Variants in CNTN6 observed in about 807,000 individuals in gnomAD.
CNTN6 encodes contactin 6, also known as contactin-6.
A neutral mutation model predicts 122.8 loss-of-function variants in CNTN6; 137 were observed. That is an observed-to-expected ratio of 1.12 (90% CI 0.97 to 1.29). CNTN6 has a LOEUF of 1.29. Ranked by LOEUF, CNTN6 falls within the 50% of genes most tolerant of loss-of-function variation. The pLI is 0.00. For missense variants in CNTN6, 1,634 were observed against 1,223.4 expected (o/e 1.34, Z -5.01); for synonymous variants, 570 against 426.0 (o/e 1.34, Z -4.16).
chr3:1,288,586 C>G (rs554009055), intron 5 of CNTN6, among the ~76,000 whole-genome samples: 1 of 152,120 alleles, frequency 6.6e-6, no homozygotes, highest in Non-Finnish European at 1.5e-5. Context: ...ACTTCAAGTT[C>G]TTTATTCTAC....
At chr3:1,148,953 A>G (rs562569200) in intron 2 of CNTN6, among the ~76,000 whole-genome samples, 18 of 152,206 alleles carry the variant, frequency 1.2e-4, no homozygotes, top group African/African-American at 4.3e-4. Flanking sequence ...CAAAAGACAG[A>G]AGAATGCAGC....
chr3:1,327,005 C>T (rs1262000093), intron 9 of CNTN6, among the ~76,000 whole-genome samples: 7 of 152,018 alleles, frequency 4.6e-5, no homozygotes, highest in African/African-American at 1.7e-4. Flanking sequence ...GATTTAGCTA[C>T]TCCAACTCAA....
At chr3:1,333,888 A>T (rs1702674968) in intron 11 of CNTN6, among the ~76,000 whole-genome samples, 1 of 152,104 alleles carries the variant, frequency 6.6e-6, no homozygotes, top group African/African-American at 2.4e-5. Flanking sequence ...CTCTCTATGG[A>T]TAATGGAGTA....
intron 1 of CNTN6, among the ~76,000 whole-genome samples, chr3:1,096,606 G>A (rs1019131063): frequency 6.6e-6 from 1 of 152,150 alleles, no homozygotes; most frequent in Non-Finnish European, 1.5e-5. Flanking sequence ...GAATAGTATA[G>A]CTTGCAATAA....
intron 22 of CNTN6, among the ~76,000 whole-genome samples, 192 bp from the exon 23 acceptor site, chr3:1,403,126 C>A (rs1576129552): frequency 1.3e-5 from 2 of 152,176 alleles, no homozygotes; most frequent in Non-Finnish European, 2.9e-5. Context: ...CATTTTTATA[C>A]TTAAATCAGA....
At chr3:1,280,020 A>G (rs759527456) in intron 5 of CNTN6, among the ~76,000 whole-genome samples, 11 of 152,200 alleles carry the variant, frequency 7.2e-5, no homozygotes, top group Non-Finnish European at 1.0e-4. Flanking sequence ...TTAACGGTAT[A>G]GAAGATTATT....
rs533781062 is a variant in CNTN6, at chr3:1,122,088, T to C, written c.-82-25839T>C. ...CATGAAGATTAAATGAATTATTTTTTTGCAAATCAATTACAGCAGTAAAAT... is the reference window on the plus strand; with the variant it reads ...CATGAAGATTAAATGAATTATTTTTCTGCAAATCAATTACAGCAGTAAAAT... On this transcript the variant is annotated intron_variant, in intron 1 of 22. Coordinates refer to ENST00000446702, the MANE Select transcript of CNTN6 (RefSeq NM_001289080.2). Among the ~76,000 whole-genome samples the C allele has an allele frequency of 3.9e-5, 6 of 152,092 alleles. No individual in the cohort carries two copies. The South Asian group carries it at 1.0e-3, about 26-fold the overall frequency.
intron 4 of CNTN6, among the ~76,000 whole-genome samples, chr3:1,274,052 T>C (rs973748477): frequency 1.3e-5 from 2 of 152,194 alleles, no homozygotes; most frequent in African/African-American, 4.8e-5. Flanking sequence ...ACCATTACAA[T>C]ATAGTCACAA....
chr3:1,302,820 A>G (rs945426836), intron 7 of CNTN6, among the ~76,000 whole-genome samples: 2 of 152,108 alleles, frequency 1.3e-5, no homozygotes, highest in African/African-American at 2.4e-5. Context: ...TTTGAAAACT[A>G]TTCAGGCATG....
At chr3:1,388,064 C>T (rs915779204) in intron 20 of CNTN6, among the ~76,000 whole-genome samples, 9 of 152,276 alleles carry the variant, frequency 5.9e-5, no homozygotes, top group South Asian at 2.1e-4. Flanking sequence ...CCCACCACAG[C>T]TCAAGGAGGC....
At chr3:1,314,395 TAAG>T (rs1265766731) in intron 7 of CNTN6, among the ~76,000 whole-genome samples, 1 of 152,100 alleles carries the variant, frequency 6.6e-6, no homozygotes, top group Admixed American at 6.6e-5. Context: ...ACAAGCATCT[TAAG>T]AAACTCATTC....
At chr3:1,280,756 C>T (rs571105921) in intron 5 of CNTN6, among the ~76,000 whole-genome samples, 1 of 152,078 alleles carries the variant, frequency 6.6e-6, no homozygotes, top group South Asian at 2.1e-4. Flanking sequence ...TGAGTCACCG[C>T]ACCTGGTCCG....
At chr3:1,240,267 A>G (rs1190831091) in intron 4 of CNTN6, among the ~76,000 whole-genome samples, 1 of 152,242 alleles carries the variant, frequency 6.6e-6, no homozygotes, top group African/African-American at 2.4e-5. Context: ...TTCACAATCT[A>G]TTTATCCAAC....
intron 2 of CNTN6, among the ~76,000 whole-genome samples, chr3:1,159,771 T>C (rs1174930630): frequency 1.3e-5 from 2 of 152,076 alleles, no homozygotes; most frequent in Non-Finnish European, 2.9e-5. Context: ...CAATCCCACT[T>C]AGAAATTTAG....
chr3:1,194,302 T>C (rs1036710612), intron 2 of CNTN6, among the ~76,000 whole-genome samples: 4 of 152,106 alleles, frequency 2.6e-5, no homozygotes, highest in African/African-American at 9.7e-5. Context: ...GAAATGGAAG[T>C]ACCTGTACAG....
chr3:1,113,398 G>A (rs1478683822), intron 1 of CNTN6, among the ~76,000 whole-genome samples: 1 of 152,098 alleles, frequency 6.6e-6, no homozygotes, highest in Non-Finnish European at 1.5e-5. Context: ...TCAGTTTATG[G>A]ACTAATTATT....
At chr3:1,184,942 T>C (rs796611665) in intron 2 of CNTN6, among the ~76,000 whole-genome samples, 11 of 152,282 alleles carry the variant, frequency 7.2e-5, no homozygotes, top group African/African-American at 2.4e-4. Flanking sequence ...TGGCTGTGTT[T>C]ACAGCATTAG....
intron 5 of CNTN6, among the ~76,000 whole-genome samples, chr3:1,294,593 C>T (rs950780232): frequency 6.6e-6 from 1 of 152,066 alleles, no homozygotes; most frequent in Admixed American, 6.6e-5. Context: ...TATACAGTTA[C>T]CCACAAGATT....
Position 1,245,226 on chromosome 3 carries a change from AT to A in CNTN6, c.358+17234del, listed in dbSNP as rs1347855718. Among the ~76,000 whole-genome samples, 135 of 15,588 alleles carry A rather than the reference AT, an allele frequency of 8.7e-3. 6 individuals are homozygous for A. The highest frequency in any genetic ancestry group is 0.012 in the Non-Finnish European group (106 of 8,738). 10.2% of individuals were successfully genotyped at this position (15,588 alleles called of 152,430 possible). On this transcript the variant is annotated intron_variant, in intron 4 of 22. Transcript: ENST00000446702. ...TATATATATATATATATATATATATATATATATATACACACACACATATATA... is the reference window on the plus strand; with the variant it reads ...TATATATATATATATATATATATATAATATATATACACACACACATATATA...
Sources: gnomAD v4.1 joint callset for allele counts (sites outside exome capture counted in the v4.1 genomes callset) on GRCh38, gnomAD v4.1.1 for gene constraint, MANE v1.5 for transcripts, NCBI Gene and HGNC (gene_info 2026-07-23, HGNC 2026-07-21) for gene names.